SMCO2: variants seen among roughly 807,000 people sequenced by gnomAD.
The protein encoded by SMCO2 is single-pass membrane and coiled-coil domain-containing protein 2.
SMCO2 carries 25 observed loss-of-function variants against 29.5 expected under a neutral mutation model. The ratio of observed to expected loss-of-function variants is 0.85; its 90% CI spans 0.62 to 1.18. SMCO2 has a LOEUF of 1.18. SMCO2 is among the 50% of genes most tolerant of loss of function. The probability of loss-of-function intolerance (pLI) is 0.00; values close to 1 mark genes in which losing one functional copy is unlikely to be tolerated. For missense variants in SMCO2, 348 were observed against 344.5 expected (o/e 1.01, Z -0.08); for synonymous variants, 117 against 123.3 (o/e 0.95, Z 0.34).
upstream of SMCO2, among the ~76,000 whole-genome samples, chr12:27,465,389 C>T (rs1467350520): frequency 6.6e-6 from 1 of 152,102 alleles, no homozygotes; most frequent in Non-Finnish European, 1.5e-5. Flanking sequence ...CCCAGGACAA[C>T]CAAAGGTAGG....
At chr12:27,468,730 T>C (rs1369115302) in intron 1 of SMCO2, among the ~76,000 whole-genome samples, 1 of 152,238 alleles carries the variant, frequency 6.6e-6, no homozygotes, top group Non-Finnish European at 1.5e-5. Flanking sequence ...TATCAGTAGC[T>C]GTGAGGACAT....
At chr12:27,430,540 G>T in the SMCO2 span, among the ~76,000 whole-genome samples, 1 of 152,032 alleles carries the variant, frequency 6.6e-6, no homozygotes. Context: ...GAAACAGTTT[G>T]GCTGTGTTAG....
chr12:27,474,211 T>C (rs1358854924), intron 3 of SMCO2, among the ~76,000 whole-genome samples: 1 of 152,204 alleles, frequency 6.6e-6, no homozygotes, highest in Non-Finnish European at 1.5e-5. Flanking sequence ...TCCTGTTTAC[T>C]TCAGAAAGCG....
At chr12:27,441,399 A>G in the SMCO2 span, among the ~76,000 whole-genome samples, 7 of 152,330 alleles carry the variant, frequency 4.6e-5, no homozygotes, top group East Asian at 1.2e-3. Flanking sequence ...AAGCTATTCC[A>G]TGCAACTGGA....
intron 4 of SMCO2, among the ~76,000 whole-genome samples, chr12:27,486,969 A>G (rs1267560524): frequency 6.6e-6 from 1 of 152,170 alleles, no homozygotes; most frequent in Non-Finnish European, 1.5e-5. Context: ...AAAAATATAT[A>G]TGCAAGGAAC....
In SMCO2 at chr12:27,488,356, C is replaced by A. The variant is rs992080143; in HGVS notation, c.363-104C>A. The A allele has an allele frequency of 1.4e-5, 10 of 710,890 alleles. No homozygotes were observed. The African/African-American group carries it at 1.5e-4, about 10-fold the overall frequency. The allele number at this position is 710,890 out of a possible 1,614,324, so 44.0% of individuals were successfully genotyped here. ...GCAATACAAGCACTACCAAAGCATC[C>A]TTTTATATGGGAATGGTATTTCATT... is the stretch of plus-strand genomic sequence containing the variant. On this transcript the variant is annotated intron_variant, in intron 4 of 7. Coordinates refer to ENST00000298876, the Ensembl canonical transcript of SMCO2.
intron 1 of SMCO2, 128 bp from the exon 2 acceptor site, chr12:27,470,494 C>G: frequency 1.1e-6 from 1 of 929,108 alleles, no homozygotes; most frequent in Non-Finnish European, 1.5e-6. Flanking sequence ...TTACGATGAA[C>G]AGCCAGTTGA....
chr12:27,425,178 A>G, the SMCO2 span: 3 of 151,896 alleles, frequency 2.0e-5, no homozygotes, highest in Non-Finnish European at 4.4e-5. Flanking sequence ...GCTCGTCTGT[A>G]TATTGGTATT....
At chr12:27,457,689 C>T in the SMCO2 span, among the ~76,000 whole-genome samples, 1 of 152,256 alleles carries the variant, frequency 6.6e-6, no homozygotes, top group Non-Finnish European at 1.5e-5. Context: ...CTAGACACAT[C>T]AGTGGCACTT....
intron 4 of SMCO2, among the ~76,000 whole-genome samples, chr12:27,486,234 T>C (rs891451017): frequency 6.6e-6 from 1 of 152,182 alleles, no homozygotes; most frequent in African/African-American, 2.4e-5. Flanking sequence ...TCTGGAGCTT[T>C]TTCTCTGTGC....
chr12:27,480,883 TGGTCTCA>T (rs1949636864), intron 4 of SMCO2, among the ~76,000 whole-genome samples: 2 of 152,174 alleles, frequency 1.3e-5, no homozygotes, highest in African/African-American at 4.8e-5. Flanking sequence ...ATAAATTACC[TGGTCTCA>T]GGTATTTCTT....
chr12:27,469,363 G>C (rs964074614), intron 1 of SMCO2, among the ~76,000 whole-genome samples: 3 of 152,076 alleles, frequency 2.0e-5, no homozygotes, highest in Non-Finnish European at 4.4e-5. Context: ...CTTTCACAGG[G>C]GCCCCTTTTA....
At chr12:27,474,892 C>T in exon 4 of SMCO2, 2 of 1,551,288 alleles carry the variant, frequency 1.3e-6, no homozygotes, top group Non-Finnish European at 1.7e-6. Flanking sequence ...CTGCAGTTTT[C>T]AAAGAAGAAC....
chr12:27,447,064 G>C, the SMCO2 span, among the ~76,000 whole-genome samples: 7 of 152,150 alleles, frequency 4.6e-5, no homozygotes, highest in African/African-American at 7.2e-5. Context: ...ACTGTAGTCA[G>C]TGTGCTTTTT....
intron 7 of SMCO2, among the ~76,000 whole-genome samples, chr12:27,496,683 G>C (rs1461765280): frequency 6.6e-6 from 1 of 150,654 alleles, no homozygotes; most frequent in East Asian, 1.9e-4. Flanking sequence ...AACCCAGGTA[G>C]AATCTCAGCT....
chr12:27,449,326 G>A, the SMCO2 span, among the ~76,000 whole-genome samples: 15 of 152,230 alleles, frequency 9.9e-5, no homozygotes, highest in Middle Eastern at 3.4e-3. Context: ...TCATACTTTC[G>A]TTATGTTTAT....
chr12:27,477,741 T>G (rs991866274), intron 4 of SMCO2, among the ~76,000 whole-genome samples: 2 of 151,748 alleles, frequency 1.3e-5, no homozygotes, highest in South Asian at 4.2e-4. Flanking sequence ...CTCTTTATTA[T>G]ATTTTTATTT....
At chr12:27,445,109 T>C in the SMCO2 span, among the ~76,000 whole-genome samples, 1 of 152,298 alleles carries the variant, frequency 6.6e-6, no homozygotes, top group East Asian at 1.9e-4. Flanking sequence ...AAATATCGTA[T>C]GTTCTCACTC....
the SMCO2 span, among the ~76,000 whole-genome samples, chr12:27,441,230 G>T: frequency 2.0e-5 from 3 of 152,168 alleles, no homozygotes; most frequent in Admixed American, 2.0e-4. Flanking sequence ...CTGCACTCCA[G>T]CCTGGGCAAC....
Sources: gnomAD v4.1 joint callset for allele counts (sites outside exome capture counted in the v4.1 genomes callset) on GRCh38, gnomAD v4.1.1 for gene constraint, MANE v1.5 for transcripts, NCBI Gene and HGNC (gene_info 2026-07-23, HGNC 2026-07-21) for gene names.